RAB38: variants seen among roughly 807,000 people sequenced by gnomAD.
RAB38 encodes ras-related protein Rab-38.
Under a neutral mutation model 18.4 loss-of-function variants are expected in RAB38, and 15 were observed. The observed-to-expected ratio is 0.82, with a 90% CI of 0.55 to 1.26. The LOEUF is 1.26. Among genes scored for constraint, RAB38 ranks in the 50% most tolerant of loss-of-function variants. The pLI, the probability that RAB38 is intolerant of heterozygous loss-of-function variation, is 0.00. For missense variants in RAB38, 294 were observed against 267.4 expected (o/e 1.10, Z -0.69); for synonymous variants, 101 against 104.4 (o/e 0.97, Z 0.20).
the RAB38 span, among the ~76,000 whole-genome samples, chr11:88,059,527 G>A: frequency 0.59 from 89,421 of 151,682 alleles, 27,528 homozygotes; most frequent in Non-Finnish European, 0.68. Context: ...CAGGCCACAT[G>A]CTCCTTGTTA....
At chr11:87,815,525 C>A in the RAB38 span, 1 of 151,928 alleles carries the variant, frequency 6.6e-6, no homozygotes, top group African/African-American at 2.4e-5. Flanking sequence ...TGTCCGAGAT[C>A]CGTGAAGGAT....
the RAB38 span, among the ~76,000 whole-genome samples, chr11:88,102,943 A>T: frequency 6.6e-6 from 1 of 151,992 alleles, no homozygotes; most frequent in Non-Finnish European, 1.5e-5. Flanking sequence ...CTAGATTCTG[A>T]TATGTCATTC....
At chr11:88,021,068 A>C in the RAB38 span, among the ~76,000 whole-genome samples, 3 of 152,176 alleles carry the variant, frequency 2.0e-5, no homozygotes, top group Non-Finnish European at 4.4e-5. Context: ...AACCAAACCC[A>C]AAATTAGTAG....
At chr11:87,827,040 TTGAGG>T in the RAB38 span, among the ~76,000 whole-genome samples, 1 of 152,146 alleles carries the variant, frequency 6.6e-6, no homozygotes, top group African/African-American at 2.4e-5. Context: ...AAAAGTTTAA[TTGAGG>T]TAACAATAAG....
chr11:88,013,600 A>G, the RAB38 span, among the ~76,000 whole-genome samples: 1 of 152,178 alleles, frequency 6.6e-6, no homozygotes, highest in Admixed American at 6.5e-5. Context: ...GCAGTGAAAC[A>G]CTAAGAGCCC....
At chr11:87,947,702 T>C in the RAB38 span, among the ~76,000 whole-genome samples, 1 of 152,190 alleles carries the variant, frequency 6.6e-6, no homozygotes, top group African/African-American at 2.4e-5. Flanking sequence ...TGGTTGTAGA[T>C]GTGTGGTATT....
chr11:87,807,747 G>A, the RAB38 span, among the ~76,000 whole-genome samples: 1 of 152,164 alleles, frequency 6.6e-6, no homozygotes, highest in Non-Finnish European at 1.5e-5. Context: ...TCACAAAGGT[G>A]TGACGAAGAC....
At chr11:87,874,468 G>C in the RAB38 span, among the ~76,000 whole-genome samples, 1 of 151,406 alleles carries the variant, frequency 6.6e-6, no homozygotes, top group East Asian at 2.0e-4. Context: ...TGGCTTACAG[G>C]AAGGGGAACA....
intron 1 of RAB38, among the ~76,000 whole-genome samples, chr11:88,168,392 G>A (rs1345690908): frequency 6.6e-6 from 1 of 152,080 alleles, no homozygotes; most frequent in Non-Finnish European, 1.5e-5. Context: ...GATTACTGAA[G>A]CCCGCATGAT....
chr11:88,138,978 G>T (rs1942871412), intron 2 of RAB38, among the ~76,000 whole-genome samples: 1 of 151,916 alleles, frequency 6.6e-6, no homozygotes, highest in Admixed American at 6.6e-5. Context: ...TAGCGACGGT[G>T]TTTCACTGTG....
At chr11:88,062,583 G>C in the RAB38 span, among the ~76,000 whole-genome samples, 1 of 152,100 alleles carries the variant, frequency 6.6e-6, no homozygotes, top group Non-Finnish European at 1.5e-5. Flanking sequence ...CCTCATGAAA[G>C]GTAGCACTTG....
chr11:88,113,888 G>A lies in RAB38; in HGVS notation c.*100C>T. Reference sequence around the variant, plus strand: ...GGCATAGATCTTTGGCTTGCCACATGTGGTATCTCTATCCTGACGTTTACC... The same window carrying A: ...GGCATAGATCTTTGGCTTGCCACATATGGTATCTCTATCCTGACGTTTACC... On this transcript the variant is annotated 3_prime_UTR_variant, in exon 3 of 3. Transcript: ENST00000243662. 7.2e-7 allele frequency: 1 copy of A among 1,394,690 alleles called. No homozygotes were observed. Among genetic ancestry groups the A allele is most frequent in the Non-Finnish European group, 1.0e-6 (1 of 1,003,002 alleles). The allele number at this position is 1,394,690 out of a possible 1,614,324, so 86.4% of individuals were successfully genotyped here.
At chr11:87,890,646 C>T in the RAB38 span, among the ~76,000 whole-genome samples, 9 of 151,876 alleles carry the variant, frequency 5.9e-5, no homozygotes, top group East Asian at 3.9e-4. Context: ...TCAAACAGGC[C>T]GGTCTCTAGC....
the RAB38 span, chr11:87,817,365 A>G: frequency 1.2e-4 from 19 of 152,296 alleles, no homozygotes; most frequent in South Asian, 3.9e-3. Flanking sequence ...ATCTTAAGAG[A>G]TCAATTGAAA....
chr11:88,009,802 A>G, the RAB38 span, among the ~76,000 whole-genome samples: 1 of 152,140 alleles, frequency 6.6e-6, no homozygotes, highest in African/African-American at 2.4e-5. Context: ...ACTATAATAG[A>G]GCATTTTGTC....
the RAB38 span, among the ~76,000 whole-genome samples, chr11:87,930,626 A>G: frequency 2.6e-5 from 4 of 152,294 alleles, no homozygotes; most frequent in East Asian, 5.8e-4. Context: ...TGATTTAGAC[A>G]TGAAGCATTT....
chr11:88,128,301 C>T (rs566431694), intron 2 of RAB38, among the ~76,000 whole-genome samples: 1 of 152,362 alleles, frequency 6.6e-6, no homozygotes, highest in South Asian at 2.1e-4. Context: ...CTATCTCAAG[C>T]TCTTGTCTAA....
chr11:87,953,007 A>AAATTTT, the RAB38 span, among the ~76,000 whole-genome samples: 1 of 152,150 alleles, frequency 6.6e-6, no homozygotes, highest in Non-Finnish European at 1.5e-5. Context: ...ATTAAAATTA[A>AAATTTT]AATTTTAATA....
chr11:87,911,639 A>G, the RAB38 span, among the ~76,000 whole-genome samples: 2 of 152,058 alleles, frequency 1.3e-5, no homozygotes, highest in African/African-American at 4.8e-5. Context: ...AGGATTTTCA[A>G]TGTAAAGGAT....
Sources: allele counts gnomAD v4.1 joint callset (sites outside exome capture counted in the v4.1 genomes callset), GRCh38; gene constraint gnomAD v4.1.1; transcripts MANE v1.5; gene names NCBI Gene and HGNC (gene_info 2026-07-23, HGNC 2026-07-21).